Variants in PDCD1LG2 observed in about 807,000 individuals in gnomAD.
PDCD1LG2 encodes the protein B7 dendritic cell molecule.
In PDCD1LG2, 32 loss-of-function variants were observed where a neutral mutation model predicts 28.2. The ratio of observed to expected loss-of-function variants is 1.13; its 90% CI spans 0.86 to 1.52. The LOEUF (loss-of-function observed/expected upper bound fraction) is 1.52. PDCD1LG2 is among the 40% of genes most tolerant of loss of function. The probability of loss-of-function intolerance (pLI) is 0.00; values close to 1 mark genes in which losing one functional copy is unlikely to be tolerated. For synonymous variants in PDCD1LG2, 116 were observed against 120.2 expected, an observed-to-expected ratio of 0.97 and a Z score of 0.23; for missense variants, 385 against 323.8, an observed-to-expected ratio of 1.19 and a Z score of -1.45.
At chr9:5,550,424 C>G (rs1322634381) in intron 4 of PDCD1LG2, among the ~76,000 whole-genome samples, 1 of 152,174 alleles carries the variant, frequency 6.6e-6, no homozygotes. Flanking sequence ...TTCTAATGCT[C>G]TTATATCAAA....
chr9:5,529,049 T>C (rs964809738), intron 2 of PDCD1LG2, among the ~76,000 whole-genome samples: 2 of 152,254 alleles, frequency 1.3e-5, no homozygotes, highest in African/African-American at 4.8e-5. Context: ...TTATTCTAGA[T>C]ACAAGTTCTT....
rs75399823 is a variant in PDCD1LG2 at position 5,544,861 on chromosome 9, A to G, written c.362-4474A>G. On this transcript the variant is annotated intron_variant, in intron 3 of 6. Transcript: ENST00000397747. ...TTAGCAAAACTGATCTTATGACCTT[A>G]GGTTACATTAAAACCCTGGATATTT... is the stretch of plus-strand genomic sequence containing the variant. Among the ~76,000 whole-genome samples the G allele has an allele frequency of 4.6e-3, 697 of 152,346 alleles. 4 individuals carry two copies. The highest frequency in any genetic ancestry group is 7.9e-3 in the Non-Finnish European group (537 of 68,030).
chr9:5,546,214 A>G (rs868467442), intron 3 of PDCD1LG2, among the ~76,000 whole-genome samples: 2 of 151,942 alleles, frequency 1.3e-5, no homozygotes, highest in African/African-American at 4.8e-5. Context: ...TGGCATCCCT[A>G]CTTCTGAAAT....
At chr9:5,522,931 G>C (rs1301695395) in intron 2 of PDCD1LG2, among the ~76,000 whole-genome samples, 1 of 152,146 alleles carries the variant, frequency 6.6e-6, no homozygotes, top group African/African-American at 2.4e-5. Context: ...TTAAAGGTGA[G>C]ATGCCAAGCA....
chr9:5,570,777 A>C lies in PDCD1LG2; in HGVS notation c.*818A>C, dbSNP rs78150891. 0.011 allele frequency: 2,535 copies of C among 232,680 alleles called. 127 individuals are homozygous for C. The East Asian group carries it at 0.12, about 11-fold the overall frequency. The allele number at this position is 232,680 out of a possible 1,614,324, so 14.4% of individuals were successfully genotyped here. On this transcript the variant is annotated 3_prime_UTR_variant, in exon 7 of 7. Coordinates refer to ENST00000397747, the MANE Select transcript of PDCD1LG2 (RefSeq NM_025239.4). ...GTTGTATCTGCAGCAATTTCAGATA[A>C]GTAGCTAAAATGGCCAAAGCCCCAA...
rs534892095 is a variant in PDCD1LG2 at position 5,516,267 on chromosome 9, G to A, written c.-15+5464G>A. On this transcript the variant is annotated intron_variant, in intron 1 of 6. Transcript: ENST00000397747. Reference sequence around the variant, plus strand: ...GGGGTTTCGCCATGTTGGCCAGGCTGGTCTCAAACTCCTGACCTCGTGATT... The same window carrying A: ...GGGGTTTCGCCATGTTGGCCAGGCTAGTCTCAAACTCCTGACCTCGTGATT... Among the ~76,000 whole-genome samples the A allele has an allele frequency of 4.6e-5, 7 of 152,314 alleles. No homozygotes were observed. The South Asian group carries it at 6.2e-4, about 14-fold the overall frequency.
Position 5,549,351 on chromosome 9 carries a change from A to G in PDCD1LG2, c.378A>G (p.Ile126Met), listed in dbSNP as rs1208687109. 1.2e-6 allele frequency: 2 copies of G among 1,612,092 alleles called. No individual in the cohort carries two copies. The highest frequency in any genetic ancestry group is 1.7e-6 in the Non-Finnish European group (2 of 1,178,340). Residue 126 changes from isoleucine to methionine, a missense_variant, in exon 4 of 7, where the codon ATA becomes ATG. Transcript: ENST00000397747. Reference protein sequence around the residue: ...TLKVKASYRKINTHILKVPET... With the variant: ...TLKVKASYRKMNTHILKVPET... ...ATTGTCCAGCTTCCTACAGGAAAATAAACACTCACATCCTAAAGGTTCCAG... is the reference window on the plus strand; with the variant it reads ...ATTGTCCAGCTTCCTACAGGAAAATGAACACTCACATCCTAAAGGTTCCAG...
chr9:5,528,998 G>C (rs1184059729), intron 2 of PDCD1LG2, among the ~76,000 whole-genome samples: 1 of 152,190 alleles, frequency 6.6e-6, no homozygotes, highest in Non-Finnish European at 1.5e-5. Flanking sequence ...CAAAGTGCTG[G>C]GATTACAGGT....
At chr9:5,549,625 C>A (rs370484817) in intron 4 of PDCD1LG2, 21 bp downstream of exon 4, 2 of 1,613,196 alleles carry the variant, frequency 1.2e-6, no homozygotes, top group Non-Finnish European at 1.7e-6. Flanking sequence ...CCCCCACTTC[C>A]TAGGTCTATC....
intron 5 of PDCD1LG2, among the ~76,000 whole-genome samples, chr9:5,561,973 C>G (rs900949948): frequency 6.6e-6 from 1 of 152,192 alleles, no homozygotes; most frequent in Admixed American, 6.5e-5. Flanking sequence ...CTTTCAAATG[C>G]AAACCCTCAT....
intron 4 of PDCD1LG2, among the ~76,000 whole-genome samples, chr9:5,552,076 T>C (rs1816346149): frequency 6.6e-6 from 1 of 152,290 alleles, no homozygotes; most frequent in Admixed American, 6.5e-5. Flanking sequence ...CCCTAAGAGA[T>C]CTGAGCTTTT....
intron 1 of PDCD1LG2, among the ~76,000 whole-genome samples, chr9:5,516,922 T>G (rs1376011561): frequency 6.6e-6 from 1 of 152,170 alleles, no homozygotes; most frequent in Non-Finnish European, 1.5e-5. Flanking sequence ...CCAGAGCCAC[T>G]GCTGGGCAGC....
intron 2 of PDCD1LG2, among the ~76,000 whole-genome samples, chr9:5,524,467 G>A (rs1329910158): frequency 1.3e-5 from 2 of 152,168 alleles, no homozygotes; most frequent in Non-Finnish European, 1.5e-5. Flanking sequence ...TTTTCTTCAC[G>A]AATTTGGAAT....
Position 5,569,903 on chromosome 9 carries a change from T to C in PDCD1LG2, c.817-51T>C. ...ACTCAAATTTTGGGGAGGTTATATATTTTCTAATCATAAAAAATGATTTTT... is the reference window on the plus strand; with the variant it reads ...ACTCAAATTTTGGGGAGGTTATATACTTTCTAATCATAAAAAATGATTTTT... On this transcript the variant is annotated intron_variant, in intron 6 of 6. Coordinates refer to ENST00000397747, the MANE Select transcript of PDCD1LG2 (RefSeq NM_025239.4). The surrounding 1 kb of genome is among the most constrained non-coding windows in gnomAD (Gnocchi z 4.1). 1 of 1,596,782 alleles carries C rather than the reference T, an allele frequency of 6.3e-7. No homozygotes were observed. Among genetic ancestry groups the C allele is most frequent in the Middle Eastern group, 1.7e-4 (1 of 6,016 alleles).
At chr9:5,555,443 TAAAG>T (rs1343494569) in intron 4 of PDCD1LG2, among the ~76,000 whole-genome samples, 2 of 151,744 alleles carry the variant, frequency 1.3e-5, no homozygotes, top group Non-Finnish European at 2.9e-5. Context: ...TTAATTAAAT[TAAAG>T]AAACGACAAA....
At chr9:5,563,120 T>C in intron 5 of PDCD1LG2, 42 bp from the exon 6 acceptor site, 2 of 1,474,004 alleles carry the variant, frequency 1.4e-6, no homozygotes, top group Non-Finnish European at 1.9e-6. Context: ...CAAACAGTTT[T>C]CTCATTAATC....
At chr9:5,555,343 G>A (rs1816416848) in intron 4 of PDCD1LG2, among the ~76,000 whole-genome samples, 1 of 152,172 alleles carries the variant, frequency 6.6e-6, no homozygotes, top group Non-Finnish European at 1.5e-5. Flanking sequence ...CTTGAACCCA[G>A]GAGGCGGAGG....
chr9:5,551,293 T>C (rs1816326656), intron 4 of PDCD1LG2, among the ~76,000 whole-genome samples: 1 of 152,218 alleles, frequency 6.6e-6, no homozygotes, highest in Non-Finnish European at 1.5e-5. Context: ...ATATTGTCAT[T>C]GTATTTCACA....
chr9:5,527,183 A>G (rs1231454379), intron 2 of PDCD1LG2, among the ~76,000 whole-genome samples: 3 of 152,250 alleles, frequency 2.0e-5, no homozygotes, highest in Non-Finnish European at 4.4e-5. Context: ...AAATTTATAT[A>G]CCATAACATT....
Sources: allele counts gnomAD v4.1 joint callset (sites outside exome capture counted in the v4.1 genomes callset), GRCh38; gene constraint gnomAD v4.1.1; non-coding constraint Gnocchi (gnomAD v3.1); transcripts MANE v1.5; gene names NCBI Gene and HGNC (gene_info 2026-07-23, HGNC 2026-07-21).